The following ZSWIM7 variants were observed in gnomAD, a reference collection of about 807,000 sequenced individuals.
The protein encoded by ZSWIM7 is zinc finger SWIM domain-containing protein 7.
In ZSWIM7, 22 loss-of-function variants were observed where a neutral mutation model predicts 21.1. The observed-to-expected ratio is 1.04, with a 90% confidence interval of 0.74 to 1.49. The LOEUF (loss-of-function observed/expected upper bound fraction) is 1.49. Among genes scored for constraint, ZSWIM7 ranks in the 40% most tolerant of loss-of-function variants. The pLI is 0.00. For synonymous variants in ZSWIM7, 67 were observed against 66.5 expected (o/e 1.01, Z -0.04); for missense variants, 193 against 168.0 (o/e 1.15, Z -0.82).
intron 3 of ZSWIM7, 70 bp downstream of exon 3, chr17:15,987,196 T>G (rs940787745): frequency 3.9e-6 from 5 of 1,292,318 alleles, no homozygotes; most frequent in Non-Finnish European, 5.4e-6. Context: ...GTCAACAGCT[T>G]CTACAGAGAT....
At chr17:15,997,102 TAC>T (rs916093680) in intron 1 of ZSWIM7, among the ~76,000 whole-genome samples, 4 of 148,012 alleles carry the variant, frequency 2.7e-5, no homozygotes, top group Non-Finnish European at 4.4e-5. Flanking sequence ...AGGTCAAAGC[TAC>T]AGTGAGCTTT....
intron 3 of ZSWIM7, among the ~76,000 whole-genome samples, chr17:15,986,008 A>G (rs562145179): frequency 6.6e-6 from 1 of 152,242 alleles, no homozygotes; most frequent in South Asian, 2.1e-4. Context: ...GTCTCTTTTG[A>G]GTAGGACAAT....
intron 4 of ZSWIM7, among the ~76,000 whole-genome samples, chr17:15,979,222 T>C (rs1970315541): frequency 6.6e-6 from 1 of 151,942 alleles, no homozygotes; most frequent in Non-Finnish European, 1.5e-5. Flanking sequence ...AGCATCTGTT[T>C]ATCAAAGCAC....
Position 15,981,106 on chromosome 17 carries a change from A to C in ZSWIM7, c.240T>G (p.Ala80=). Residue 80 remains alanine (A), a synonymous_variant, in exon 4 of 5, where the codon GCT becomes GCG. Coordinates refer to ENST00000399277, the MANE Select transcript of ZSWIM7 (RefSeq NM_001042697.2). ...GSSSKTYTCL[A]SCHYCSCPAF... ...CAGGACATGAACAGTAATGACAAGA[A>C]GCCAAACATGTGTATGTTTTACTGG... 3 of 1,614,010 alleles carry C rather than the reference A, an allele frequency of 1.9e-6. No homozygotes were observed. The South Asian group carries it at 3.3e-5, about 18-fold the overall frequency.
At position 15,977,897 on chromosome 17, in the gene ZSWIM7, C is replaced by T. The variant is rs1397938864; in HGVS notation, c.*150G>A. 2 of 661,066 alleles carry T rather than the reference C, an allele frequency of 3.0e-6. No individual in the cohort carries two copies. Among genetic ancestry groups the T allele is most frequent in the African/African-American group, 1.8e-5 (1 of 55,840 alleles). The allele number at this position is 661,066 out of a possible 1,614,324, so 41.0% of individuals were successfully genotyped here. A position where few individuals can be genotyped will look rare whatever the true frequency, so the allele number is the denominator to read the frequency against. Reference sequence around the variant, plus strand: ...CTCCACAGCCCACGGCTCCAACCCACAGCACCTCCTGCAGTCCTGGAGGGA... The same window carrying T: ...CTCCACAGCCCACGGCTCCAACCCATAGCACCTCCTGCAGTCCTGGAGGGA... On this transcript the variant is annotated 3_prime_UTR_variant, in exon 5 of 5. Coordinates refer to ENST00000399277, the MANE Select transcript of ZSWIM7 (RefSeq NM_001042697.2).
At chr17:15,980,321 T>C (rs1970340566) in intron 4 of ZSWIM7, 1 of 152,340 alleles carries the variant, frequency 6.6e-6, no homozygotes, top group South Asian at 2.1e-4. Flanking sequence ...TTCAATCCTG[T>C]CTCTTGCAGT....
At chr17:15,988,787 G>A (rs1157375689) in intron 2 of ZSWIM7, among the ~76,000 whole-genome samples, 3 of 152,196 alleles carry the variant, frequency 2.0e-5, no homozygotes, top group Non-Finnish European at 4.4e-5. Context: ...GGGAGGCCGA[G>A]GCAGGCAGAT....
intron 2 of ZSWIM7, among the ~76,000 whole-genome samples, chr17:15,991,842 C>T (rs1324918020): frequency 6.6e-6 from 1 of 151,416 alleles, no homozygotes; most frequent in Non-Finnish European, 1.5e-5. Flanking sequence ...TGTAGTGGCA[C>T]AATCATAGCT....
Position 15,981,025 on chromosome 17 carries a change from C to T in ZSWIM7, c.306+15G>A. Reference sequence around the variant, plus strand: ...TACATTCAACTACAGTGGGAAGAGTCTTCCCCATCCTCACCAGGATGCTGT... The same window carrying T: ...TACATTCAACTACAGTGGGAAGAGTTTTCCCCATCCTCACCAGGATGCTGT... On this transcript the variant is annotated intron_variant, in intron 4 of 4. Coordinates refer to ENST00000399277, the MANE Select transcript of ZSWIM7 (RefSeq NM_001042697.2). The T allele has an allele frequency of 6.3e-7, 1 of 1,596,264 alleles. No individual in the cohort carries two copies. Among genetic ancestry groups the T allele is most frequent in the Non-Finnish European group, 8.6e-7 (1 of 1,165,368 alleles).
chr17:15,992,887 ATTTTT>A (rs988423062), intron 2 of ZSWIM7, among the ~76,000 whole-genome samples: 1 of 151,172 alleles, frequency 6.6e-6, no homozygotes, highest in Non-Finnish European at 1.5e-5. Context: ...TTTATTTTTT[ATTTTT>A]TTTGAGATGG....
At chr17:15,992,417 A>T (rs1052681908) in intron 2 of ZSWIM7, among the ~76,000 whole-genome samples, 3 of 140,992 alleles carry the variant, frequency 2.1e-5, no homozygotes, top group Admixed American at 7.1e-5. Context: ...TTTCTTTTTC[A>T]TGTGTTAGTT....
intron 3 of ZSWIM7, among the ~76,000 whole-genome samples, chr17:15,982,855 G>T (rs140425018): frequency 6.6e-6 from 1 of 152,000 alleles, no homozygotes; most frequent in Non-Finnish European, 1.5e-5. Flanking sequence ...GTCTTGCTAT[G>T]TTGTCCAGGC....
intron 3 of ZSWIM7, among the ~76,000 whole-genome samples, chr17:15,985,134 T>C (rs8076669): frequency 0.53 from 80,215 of 151,746 alleles, 21,577 homozygotes; most frequent in Middle Eastern, 0.63. Context: ...TGAAACCCCA[T>C]CTCTACTAAA....
intron 2 of ZSWIM7, among the ~76,000 whole-genome samples, chr17:15,991,784 G>C (rs1970484875): frequency 6.6e-6 from 1 of 152,058 alleles, no homozygotes; most frequent in Admixed American, 6.6e-5. Flanking sequence ...ATATTCTTCA[G>C]AACTTTTATT....
intron 3 of ZSWIM7, among the ~76,000 whole-genome samples, chr17:15,986,450 T>C (rs996271397): frequency 2.0e-5 from 3 of 152,090 alleles, no homozygotes; most frequent in African/African-American, 7.2e-5. Flanking sequence ...CTCACTTATA[T>C]GTGGAATCTA....
intron 3 of ZSWIM7, among the ~76,000 whole-genome samples, chr17:15,981,694 A>ACC (rs199881543): frequency 1.3e-5 from 2 of 150,694 alleles, no homozygotes; most frequent in East Asian, 3.9e-4. Context: ...GGATCACTTG[A>ACC]CCCCCCCCAG....
chr17:15,991,933 G>GTTTTT (rs1337184322), intron 2 of ZSWIM7, among the ~76,000 whole-genome samples: 4 of 137,160 alleles, frequency 2.9e-5, no homozygotes, highest in African/African-American at 8.9e-5. Flanking sequence ...GTTTTGTTTT[G>GTTTTT]TTTTTTTTTT....
intron 3 of ZSWIM7, among the ~76,000 whole-genome samples, chr17:15,984,539 G>C: frequency 6.6e-6 from 1 of 152,198 alleles, no homozygotes; most frequent in East Asian, 1.9e-4. Context: ...CAGTTAGGTC[G>C]CAAGGAGAGG....
chr17:15,980,949 GATTCCC>G, intron 4 of ZSWIM7, 85 bp downstream of exon 4: 1 of 895,866 alleles, frequency 1.1e-6, no homozygotes. Context: ...CATATAATAA[GATTCCC>G]ATTTTGTAGA....
Sources: allele counts gnomAD v4.1 joint callset (sites outside exome capture counted in the v4.1 genomes callset), GRCh38; gene constraint gnomAD v4.1.1; transcripts MANE v1.5; gene names NCBI Gene and HGNC (gene_info 2026-07-23, HGNC 2026-07-21).